Variants in MACROD2 observed in about 807,000 individuals in gnomAD.
MACROD2 encodes mono-ADP ribosylhydrolase 2.
In MACROD2, 36 loss-of-function variants were observed where a neutral mutation model predicts 70.4. The observed-to-expected ratio is 0.51, with a 90% CI of 0.39 to 0.68. The LOEUF (loss-of-function observed/expected upper bound fraction) is 0.68, where lower values mean the gene tolerates loss of function less well. Ranked by LOEUF, MACROD2 falls within the 30% of genes least tolerant of loss-of-function variation. The pLI, the probability that MACROD2 is intolerant of heterozygous loss-of-function variation, is 0.00. For missense variants in MACROD2, 496 were observed against 538.4 expected (o/e 0.92, Z 0.78); for synonymous variants, 172 against 178.8 (o/e 0.96, Z 0.30).
At chr20:15,630,960 A>T (rs1176686988) in intron 8 of MACROD2, among the ~76,000 whole-genome samples, 1 of 152,212 alleles carries the variant, frequency 6.6e-6, no homozygotes, top group Non-Finnish European at 1.5e-5. Flanking sequence ...TTGCACACAG[A>T]GGCATCTGCT....
At chr20:15,400,091 C>T (rs532096843) in intron 6 of MACROD2, among the ~76,000 whole-genome samples, 7 of 152,230 alleles carry the variant, frequency 4.6e-5, no homozygotes, top group African/African-American at 1.2e-4. Flanking sequence ...AAAAGAAAGA[C>T]GGTTTTCCTT....
intron 8 of MACROD2, among the ~76,000 whole-genome samples, chr20:15,811,183 A>G (rs2063817353): frequency 1.3e-5 from 2 of 152,080 alleles, no homozygotes; most frequent in South Asian, 4.1e-4. Flanking sequence ...TTCACAACCT[A>G]CTCATCTGAC....
chr20:14,117,884 G>C (rs1465319920), intron 3 of MACROD2, among the ~76,000 whole-genome samples: 2 of 152,088 alleles, frequency 1.3e-5, no homozygotes, highest in Non-Finnish European at 2.9e-5. Flanking sequence ...CAGGATACAG[G>C]CCCTGAGTAA....
chr20:15,039,829 C>G (rs2123023263), intron 5 of MACROD2, among the ~76,000 whole-genome samples: 1 of 152,202 alleles, frequency 6.6e-6, no homozygotes, highest in African/African-American at 2.4e-5. Flanking sequence ...CTTTTGTTTT[C>G]AAAACTAAGG....
chr20:16,044,771 T>A, intron 17 of MACROD2, 132 bp downstream of exon 17: 3 of 761,780 alleles, frequency 3.9e-6, no homozygotes, highest in Non-Finnish European at 6.7e-6. Flanking sequence ...TGAAAATCTT[T>A]AAACCAAATA....
At chr20:14,667,239 C>T (rs530734396) in intron 4 of MACROD2, among the ~76,000 whole-genome samples, 2 of 152,206 alleles carry the variant, frequency 1.3e-5, no homozygotes, top group East Asian at 3.9e-4. Context: ...GCAGAGCTCC[C>T]TTCTCAGTTA....
intron 5 of MACROD2, among the ~76,000 whole-genome samples, chr20:15,134,904 T>C (rs1360310639): frequency 3.3e-5 from 5 of 152,066 alleles, no homozygotes; most frequent in Non-Finnish European, 7.4e-5. Flanking sequence ...CCCACAGAAA[T>C]ACAAACTACC....
At chr20:14,088,586 A>G (rs1017382358) in intron 3 of MACROD2, among the ~76,000 whole-genome samples, 5 of 152,084 alleles carry the variant, frequency 3.3e-5, no homozygotes, top group African/African-American at 4.8e-5. Flanking sequence ...CTTTTTAAAT[A>G]CTTGAAGATC....
Position 15,143,285 on chromosome 20 carries a change from G to A in MACROD2, c.419-86655G>A, listed in dbSNP as rs191328402. ...CAGTGATGATGAGCATTTTTTTCAT[G>A]TGTGTTGGCTGCATAAATGTCTTCT... On this transcript the variant is annotated intron_variant, in intron 5 of 17. Coordinates refer to ENST00000684519, the MANE Select transcript of MACROD2 (RefSeq NM_001351661.2). Among the ~76,000 whole-genome samples, 944 of 152,214 alleles carry A rather than the reference G, an allele frequency of 6.2e-3. 9 individuals carry two copies. Among genetic ancestry groups the A allele is most frequent in the Middle Eastern group, 0.031 (9 of 294 alleles).
At chr20:15,622,428 G>C (rs2146732603) in intron 8 of MACROD2, among the ~76,000 whole-genome samples, 1 of 152,184 alleles carries the variant, frequency 6.6e-6, no homozygotes, top group South Asian at 2.1e-4. Context: ...TTGCACTTTG[G>C]AGCCATGGTG....
chr20:15,079,349 C>T (rs1003571473), intron 5 of MACROD2, among the ~76,000 whole-genome samples: 1 of 151,966 alleles, frequency 6.6e-6, no homozygotes, highest in Admixed American at 6.6e-5. Context: ...AGTTCCTTGA[C>T]TTTCTCTCCT....
chr20:15,936,587 G>T (rs2065665370), intron 11 of MACROD2, among the ~76,000 whole-genome samples: 1 of 149,278 alleles, frequency 6.7e-6, no homozygotes, highest in African/African-American at 2.5e-5. Context: ...ACTCATATAT[G>T]CATGAAAACT....
At position 14,510,492 on chromosome 20, in the gene MACROD2, C is replaced by T. The variant is rs556359268; in HGVS notation, c.301+16984C>T. The stretch of plus-strand genomic sequence containing the variant: ...GGAACAGTTGCCAGTTTATAATTCT[C>T]CTCTTGAATATTTTAGTGTCATTAA... On this transcript the variant is annotated intron_variant, in intron 4 of 17. Coordinates refer to ENST00000684519, the MANE Select transcript of MACROD2 (RefSeq NM_001351661.2). Among the ~76,000 whole-genome samples, 3 of 151,930 alleles carry T rather than the reference C, an allele frequency of 2.0e-5. No individual in the cohort carries two copies. The South Asian group carries it at 6.2e-4, about 32-fold the overall frequency.
intron 5 of MACROD2, among the ~76,000 whole-genome samples, chr20:14,943,175 C>T (rs2074404351): frequency 6.6e-6 from 1 of 152,202 alleles, no homozygotes; most frequent in East Asian, 1.9e-4. Context: ...TTGTCTGCAC[C>T]AACTAGTTGT....
intron 5 of MACROD2, among the ~76,000 whole-genome samples, chr20:15,117,438 C>T (rs17272940): frequency 0.073 from 11,126 of 152,176 alleles, 472 homozygotes; most frequent in Middle Eastern, 0.16. Context: ...TGGTCCTTTA[C>T]AAGATTTCCC....
intron 8 of MACROD2, among the ~76,000 whole-genome samples, chr20:15,733,933 T>G (rs1160164917): frequency 6.6e-6 from 1 of 152,132 alleles, no homozygotes; most frequent in Non-Finnish European, 1.5e-5. Context: ...GGACACAATT[T>G]TTATGGAGAG....
At chr20:14,468,119 A>T (rs2084479341) in intron 3 of MACROD2, among the ~76,000 whole-genome samples, 1 of 152,010 alleles carries the variant, frequency 6.6e-6, no homozygotes, top group Non-Finnish European at 1.5e-5. Flanking sequence ...GTAGATGCCT[A>T]TTAGGTCTGC....
chr20:14,435,717 T>C (rs573787933), intron 3 of MACROD2, among the ~76,000 whole-genome samples: 153 of 152,048 alleles, frequency 1.0e-3, no homozygotes, highest in African/African-American at 3.5e-3. Flanking sequence ...AAGTCATTTT[T>C]TTTTTTTGAC....
At chr20:14,778,909 G>A (rs750958351) in intron 5 of MACROD2, among the ~76,000 whole-genome samples, 8 of 152,100 alleles carry the variant, frequency 5.3e-5, no homozygotes, top group Admixed American at 2.6e-4. Flanking sequence ...ATCCAAGAAT[G>A]CCAAGTTAGG....
Sources: gnomAD v4.1 joint callset for allele counts (sites outside exome capture counted in the v4.1 genomes callset) on GRCh38, gnomAD v4.1.1 for gene constraint, MANE v1.5 for transcripts, NCBI Gene and HGNC (gene_info 2026-07-23, HGNC 2026-07-21) for gene names.